Variants in ADARB2 observed in about 807,000 individuals in gnomAD.
ADARB2 encodes the protein adenosine deaminase RNA specific B2 (inactive).
Under a neutral mutation model 62.2 loss-of-function variants are expected in ADARB2, and 25 were observed. The ratio of observed to expected loss-of-function variants is 0.40; its 90% CI spans 0.29 to 0.56. The LOEUF is 0.56. ADARB2 is among the 20% of genes least tolerant of loss of function. The pLI is 0.43. For synonymous variants in ADARB2, 572 were observed against 500.8 expected, an observed-to-expected ratio of 1.14 and a Z score of -1.90; for missense variants, 1,071 against 1,077.4, an observed-to-expected ratio of 0.99 and a Z score of 0.08.
At chr10:1,289,094 AAAGCC>A (rs1831440400) in intron 3 of ADARB2, among the ~76,000 whole-genome samples, 1 of 152,198 alleles carries the variant, frequency 6.6e-6, no homozygotes, top group African/African-American at 2.4e-5. Context: ...TGTTCCCTCC[AAAGCC>A]TGCTACCCAG....
rs367902920 is a variant in ADARB2, at chr10:1,366,793, G to T, written c.188-2876C>A. 8.0e-4 allele frequency among the ~76,000 whole-genome samples: 122 copies of T among 152,328 alleles called. 1 individual carries two copies. The East Asian group carries it at 0.013, about 16-fold the overall frequency. ...CCCACAGGCTGCCCCACGTGTGACC[G>T]GATGGTGAGCTGTCCCAGGCAAGAA... On this transcript the variant is annotated intron_variant, in intron 2 of 9. Coordinates refer to ENST00000381312, the MANE Select transcript of ADARB2 (RefSeq NM_018702.4).
At chr10:1,644,381 G>C (rs1834011027) in intron 1 of ADARB2, among the ~76,000 whole-genome samples, 1 of 152,276 alleles carries the variant, frequency 6.6e-6, no homozygotes, top group African/African-American at 2.4e-5. Flanking sequence ...TTGCTTGTAT[G>C]TTACATGCAA....
chr10:1,256,347 C>T (rs958563491), intron 4 of ADARB2, among the ~76,000 whole-genome samples: 7 of 152,334 alleles, frequency 4.6e-5, no homozygotes, highest in African/African-American at 1.7e-4. Flanking sequence ...TCCTCCTGCC[C>T]TGATGGGGTC....
chr10:1,183,184 GC>G lies in ADARB2; in HGVS notation c.*8del. ...TCCCGCTCAGCTCCAGCAGCCAGGA[GC>G]CCGCAGCCTAGAGAGTCAGTAGAAA... On this transcript the variant is annotated 3_prime_UTR_variant, in exon 10 of 10. Coordinates refer to ENST00000381312, the MANE Select transcript of ADARB2 (RefSeq NM_018702.4). 6.2e-7 allele frequency: 1 copy of G among 1,610,964 alleles called. No individual in the cohort carries two copies. The highest frequency in any genetic ancestry group is 8.5e-7 in the Non-Finnish European group (1 of 1,178,704).
chr10:1,231,572 C>T (rs1830804315), intron 6 of ADARB2, among the ~76,000 whole-genome samples: 1 of 152,174 alleles, frequency 6.6e-6, no homozygotes, highest in African/African-American at 2.4e-5. Context: ...TTCTCAGGTA[C>T]TCAGGCTGCC....
At chr10:1,234,693 C>T (rs145963355) in intron 5 of ADARB2, among the ~76,000 whole-genome samples, 58 of 150,458 alleles carry the variant, frequency 3.9e-4, no homozygotes, top group African/African-American at 1.2e-3. Context: ...CCACTTGCCC[C>T]AGGCTCCGAA....
chr10:1,500,449 G>A (rs11593845), intron 1 of ADARB2, among the ~76,000 whole-genome samples: 28,013 of 152,172 alleles, frequency 0.18, 3,034 homozygotes, highest in Non-Finnish European at 0.25. Context: ...CAAAAAGGCC[G>A]CATGACAAAA....
chr10:1,450,085 A>G (rs1450783029), intron 1 of ADARB2, among the ~76,000 whole-genome samples: 2 of 152,140 alleles, frequency 1.3e-5, no homozygotes, highest in Non-Finnish European at 2.9e-5. Flanking sequence ...CCTCCTGGGA[A>G]GAGCTTCCCG....
At chr10:1,584,292 G>A (rs1288160488) in intron 1 of ADARB2, among the ~76,000 whole-genome samples, 1 of 152,124 alleles carries the variant, frequency 6.6e-6, no homozygotes, top group African/African-American at 2.4e-5. Context: ...GACCTTAACT[G>A]ATACCACGCC....
chr10:1,199,737 C>T (rs1836959141), intron 8 of ADARB2: 1 of 478,212 alleles, frequency 2.1e-6, no homozygotes, highest in African/African-American at 2.0e-5. Context: ...GAAAACAGCA[C>T]CATCACACAA....
chr10:1,241,669 A>G (rs963563250), intron 5 of ADARB2, among the ~76,000 whole-genome samples: 3 of 152,236 alleles, frequency 2.0e-5, no homozygotes, highest in Admixed American at 1.3e-4. Context: ...GGGAATCCCA[A>G]TACTGGGGCA....
At chr10:1,615,441 G>T (rs923525707) in intron 1 of ADARB2, among the ~76,000 whole-genome samples, 3 of 152,258 alleles carry the variant, frequency 2.0e-5, no homozygotes, top group African/African-American at 4.8e-5. Flanking sequence ...ACCACCCAGA[G>T]GCCCAGGATG....
In ADARB2 at chr10:1,582,633, C is replaced by T. The variant is rs148217193; in HGVS notation, c.100+154418G>A. Among the ~76,000 whole-genome samples, 644 of 152,270 alleles carry T rather than the reference C, an allele frequency of 4.2e-3. 2 individuals carry two copies. Among genetic ancestry groups the T allele is most frequent in the African/African-American group, 0.014 (596 of 41,550 alleles). The stretch of plus-strand genomic sequence containing the variant: ...GCACCAAGCAGCACCCTCAGCCAAA[C>T]AGTCAGTGCCAGTGCATGAACTCAA... On this transcript the variant is annotated intron_variant, in intron 1 of 9. Coordinates refer to ENST00000381312, the MANE Select transcript of ADARB2 (RefSeq NM_018702.4).
rs368494044 is a variant in ADARB2, at chr10:1,193,764, A to G, written c.1864+6202T>C. Among the ~76,000 whole-genome samples, 3 of 152,290 alleles carry G rather than the reference A, an allele frequency of 2.0e-5. No individual in the cohort carries two copies. The East Asian group carries it at 5.8e-4, about 29-fold the overall frequency. ...TTGTTTTTCTATCAGCATTTTAAAG[A>G]TGCCATTTCATTGTTTTTTTGTCTT... On this transcript the variant is annotated intron_variant, in intron 8 of 9. Transcript: ENST00000381312.
intron 4 of ADARB2, among the ~76,000 whole-genome samples, chr10:1,267,250 C>CAAAA (rs1304819122): frequency 6.6e-6 from 1 of 151,930 alleles, no homozygotes; most frequent in Non-Finnish European, 1.5e-5. Context: ...AACATTACTT[C>CAAAA]AAAATACTGA....
chr10:1,651,113 C>A (rs1369226659), intron 1 of ADARB2, among the ~76,000 whole-genome samples: 1 of 152,236 alleles, frequency 6.6e-6, no homozygotes, highest in African/African-American at 2.4e-5. Context: ...GATGGGAGTG[C>A]CAGTCACTGG....
chr10:1,590,629 T>C (rs1833239669), intron 1 of ADARB2, among the ~76,000 whole-genome samples: 1 of 152,300 alleles, frequency 6.6e-6, no homozygotes, highest in South Asian at 2.1e-4. Context: ...TGTGCTTTTG[T>C]CAGGCTTGGA....
At chr10:1,295,844 TCA>T (rs1175221949) in intron 3 of ADARB2, among the ~76,000 whole-genome samples, 6 of 152,242 alleles carry the variant, frequency 3.9e-5, no homozygotes, top group African/African-American at 1.4e-4. Context: ...CCCTGTTGAT[TCA>T]CAGACTGTAG....
intron 1 of ADARB2, among the ~76,000 whole-genome samples, chr10:1,610,560 GT>G (rs1833555414): frequency 6.6e-6 from 1 of 152,188 alleles, no homozygotes; most frequent in South Asian, 2.1e-4. Context: ...GCCTGCCGGG[GT>G]CCTCATCCAG....
Sources: gnomAD v4.1 joint callset for allele counts (sites outside exome capture counted in the v4.1 genomes callset) on GRCh38, gnomAD v4.1.1 for gene constraint, MANE v1.5 for transcripts, NCBI Gene and HGNC (gene_info 2026-07-23, HGNC 2026-07-21) for gene names.